PGBD5: variants seen among roughly 807,000 people sequenced by gnomAD.
PGBD5 encodes the protein piggyBac transposable element-derived protein 5.
In PGBD5, 14 loss-of-function variants were observed where a neutral mutation model predicts 47.9. The ratio of observed to expected loss-of-function variants is 0.29; its 90% CI spans 0.19 to 0.46. The LOEUF is 0.46. Ranked by LOEUF, PGBD5 falls within the 20% of genes least tolerant of loss-of-function variation. The pLI is 1.00. For synonymous variants in PGBD5, 316 were observed against 306.3 expected (o/e 1.03, Z -0.33); for missense variants, 635 against 716.0 (o/e 0.89, Z 1.29).
intron 1 of PGBD5, chr1:230,362,486 C>T (rs2820384): frequency 0.72 from 857,832 of 1,187,724 alleles, 311,897 homozygotes; most frequent in Non-Finnish European, 0.74. Flanking sequence ...GGAAGCCCTC[C>T]TGGGGCTCCA....
intron 1 of PGBD5, among the ~76,000 whole-genome samples, chr1:230,372,858 G>A (rs1667949912): frequency 6.6e-6 from 1 of 152,104 alleles, no homozygotes; most frequent in Non-Finnish European, 1.5e-5. Context: ...CCTGCAGGTG[G>A]CTTTCTTCCT....
intron 1 of PGBD5, among the ~76,000 whole-genome samples, chr1:230,404,624 AAAAAAAT>A (rs1225005434): frequency 2.2e-5 from 3 of 136,564 alleles, no homozygotes; most frequent in African/African-American, 8.1e-5. Context: ...AAAAAAAAAA[AAAAAAAT>A]ATATATATAT....
chr1:230,337,222 G>A lies in PGBD5; in HGVS notation c.961C>T (p.Leu321Phe). ...AGGCTCCTGGCCACCATGCTGTGGAGCTGGGGCTTATTCTTCAGCGCATCC... is the reference window on the plus strand; with the variant it reads ...AGGCTCCTGGCCACCATGCTGTGGAACTGGGGCTTATTCTTCAGCGCATCC... The part of the protein sequence containing the change: ...GLDALKNKPQ[L>F]HSMVARSLCR... The change falls in exon 4 of 7, where the codon CTC becomes TTC. Residue 321 changes from leucine to phenylalanine, a missense_variant. Transcript: ENST00000391860. The A allele has an allele frequency of 6.2e-7, 1 of 1,614,172 alleles. No homozygotes were observed. Among genetic ancestry groups the A allele is most frequent in the South Asian group, 1.1e-5 (1 of 91,082 alleles).
chr1:230,326,539 G>A lies in PGBD5; in HGVS notation c.1274-1124C>T, dbSNP rs186643170. 1.9e-3 allele frequency among the ~76,000 whole-genome samples: 291 copies of A among 152,270 alleles called. 1 individual carries two copies. The highest frequency in any genetic ancestry group is 3.6e-3 in the Non-Finnish European group (244 of 68,014). ...AGTGTCATGATCATAGCTCACTGCA[G>A]CCTAAAATTCCTGGGCTCAAGGGAT... On this transcript the variant is annotated intron_variant, in intron 5 of 6. Coordinates refer to ENST00000391860, the MANE Select transcript of PGBD5 (RefSeq NM_001258311.2).
Position 230,425,750 on chromosome 1 carries a change from G to A in PGBD5, c.179C>T (p.Ser60Leu). 8.2e-7 allele frequency: 1 copy of A among 1,212,478 alleles called. No individual in the cohort carries two copies. Among genetic ancestry groups the A allele is most frequent in the Non-Finnish European group, 1.0e-6 (1 of 975,660 alleles). The allele number at this position is 1,212,478 out of a possible 1,614,324, so 75.1% of individuals were successfully genotyped here. A position where few individuals can be genotyped will look rare whatever the true frequency, so the allele number is the denominator to read the frequency against. ...TCCCGGGGGCTCGCGCTCGTCGTCC[G>A]AGGAGGCGGCCGAGGAGGAGCGCGA... ...AASRSSSAAS[S>L]DDEREPPGPP... Residue 60 changes from serine (S) to leucine (L), a missense_variant, in exon 1 of 7, where the codon TCG becomes TTG. Ser to Leu is a moderately radical substitution (Grantham distance 145). Coordinates refer to ENST00000391860, the MANE Select transcript of PGBD5 (RefSeq NM_001258311.2). The surrounding 1 kb of genome is among the most constrained non-coding windows in gnomAD (Gnocchi z 4.7).
intron 1 of PGBD5, among the ~76,000 whole-genome samples, chr1:230,424,592 C>G (rs2102758543): frequency 6.6e-6 from 1 of 152,324 alleles, no homozygotes; most frequent in East Asian, 1.9e-4. Flanking sequence ...ACCGGTTGAA[C>G]AATAATCAGA....
chr1:230,407,036 C>T (rs1390263384), intron 1 of PGBD5, among the ~76,000 whole-genome samples: 1 of 152,140 alleles, frequency 6.6e-6, no homozygotes, highest in Non-Finnish European at 1.5e-5. Context: ...GGTTTCGCCA[C>T]GTTGGCCAGG....
intron 1 of PGBD5, among the ~76,000 whole-genome samples, chr1:230,361,552 G>A (rs901431823): frequency 6.6e-6 from 1 of 152,118 alleles, no homozygotes; most frequent in South Asian, 2.1e-4. Flanking sequence ...ATAGTGGCTT[G>A]GTAATGCCCA....
At chr1:230,407,090 C>T (rs1657315506) in intron 1 of PGBD5, among the ~76,000 whole-genome samples, 1 of 152,200 alleles carries the variant, frequency 6.6e-6, no homozygotes, top group Non-Finnish European at 1.5e-5. Context: ...CTGCCTTGGC[C>T]TCCCAAAATG....
At chr1:230,411,800 C>T (rs535582436) in intron 1 of PGBD5, among the ~76,000 whole-genome samples, 17 of 151,968 alleles carry the variant, frequency 1.1e-4, no homozygotes, top group South Asian at 2.1e-4. Flanking sequence ...TACCTCAGTA[C>T]CAGGAAATCA....
intron 1 of PGBD5, among the ~76,000 whole-genome samples, chr1:230,383,067 T>C (rs997953301): frequency 6.6e-6 from 1 of 152,192 alleles, no homozygotes; most frequent in Non-Finnish European, 1.5e-5. Flanking sequence ...TGTATGTACA[T>C]GTGTATGTAT....
rs376106086 is a variant in PGBD5 at position 230,337,185 on chromosome 1, G to A, written c.998C>T (p.Ala333Val). The A allele has an allele frequency of 1.1e-5, 17 of 1,614,072 alleles. No homozygotes were observed. Among genetic ancestry groups the A allele is most frequent in the East Asian group, 2.2e-5 (1 of 44,898 alleles). Reference protein sequence around the residue: ...SMVARSLCRNAAGKNYIIFTG... With the variant: ...SMVARSLCRNVAGKNYIIFTG... ...GAAAATGATGTAGTTCTTGCCTGCCGCGTTCCGGCACAGGCTCCTGGCCAC... is the reference window on the plus strand; with the variant it reads ...GAAAATGATGTAGTTCTTGCCTGCCACGTTCCGGCACAGGCTCCTGGCCAC... The change falls in exon 4 of 7, where the codon GCG (alanine) becomes GTG (valine). Residue 333 changes from alanine (A) to valine (V), a missense_variant. Coordinates refer to ENST00000391860, the MANE Select transcript of PGBD5 (RefSeq NM_001258311.2).
At chr1:230,343,101 C>T (rs1391629111) in intron 3 of PGBD5, among the ~76,000 whole-genome samples, 2 of 152,196 alleles carry the variant, frequency 1.3e-5, no homozygotes, top group Non-Finnish European at 2.9e-5. Flanking sequence ...TCTCATTGCC[C>T]AGTTTCTCTC....
intron 1 of PGBD5, among the ~76,000 whole-genome samples, chr1:230,409,769 A>C (rs1657375450): frequency 6.6e-6 from 1 of 152,142 alleles, no homozygotes; most frequent in Non-Finnish European, 1.5e-5. Context: ...TACACACTAA[A>C]TGGCTGAATT....
chr1:230,362,907 T>G (rs1487588200), intron 1 of PGBD5, among the ~76,000 whole-genome samples: 1 of 151,528 alleles, frequency 6.6e-6, no homozygotes, highest in Non-Finnish European at 1.5e-5. Flanking sequence ...CCTGTGCATA[T>G]GGGGAGGCCT....
rs1447239707 is a variant in PGBD5 at position 230,321,763 on chromosome 1, A to C, written c.*1662T>G. 3 of 152,680 alleles carry C rather than the reference A, an allele frequency of 2.0e-5. No individual in the cohort carries two copies. Among genetic ancestry groups the C allele is most frequent in the African/African-American group, 7.2e-5 (3 of 41,470 alleles). The allele number at this position is 152,680 out of a possible 1,614,324, so 9.5% of individuals were successfully genotyped here. A position where few individuals can be genotyped will look rare whatever the true frequency, so the allele number is the denominator to read the frequency against. On this transcript the variant is annotated 3_prime_UTR_variant, in exon 7 of 7. Coordinates refer to ENST00000391860, the MANE Select transcript of PGBD5 (RefSeq NM_001258311.2). ...AACACATTAAACTCAGAAATAGTGG[A>C]CCTTGTAGAAAAGCATCACAAATTA...
chr1:230,344,297 A>AG, intron 3 of PGBD5, among the ~76,000 whole-genome samples: 1 of 152,056 alleles, frequency 6.6e-6, no homozygotes, highest in East Asian at 1.9e-4. Flanking sequence ...AAAAAAAAAA[A>AG]GAAGGTGAGA....
At chr1:230,351,456 A>G (rs2102701864) in intron 2 of PGBD5, among the ~76,000 whole-genome samples, 1 of 152,278 alleles carries the variant, frequency 6.6e-6, no homozygotes, top group Non-Finnish European at 1.5e-5. Context: ...CTGGCTGGAC[A>G]TGCCTGGTGA....
intron 1 of PGBD5, among the ~76,000 whole-genome samples, chr1:230,395,147 C>CCT (rs1278682169): frequency 2.2e-5 from 1 of 45,558 alleles, no homozygotes; most frequent in Non-Finnish European, 4.3e-5. Context: ...TCCCCGAGCT[C>CCT]CTCTCCCACC....
Sources: allele counts gnomAD v4.1 joint callset (sites outside exome capture counted in the v4.1 genomes callset), GRCh38; gene constraint gnomAD v4.1.1; non-coding constraint Gnocchi (gnomAD v3.1); transcripts MANE v1.5; gene names NCBI Gene and HGNC (gene_info 2026-07-23, HGNC 2026-07-21).